The following ZNF263 variants were observed in gnomAD, a reference collection of about 807,000 sequenced individuals.
ZNF263 encodes the protein zinc finger protein FPM315.
In ZNF263, 49 loss-of-function variants were observed where a neutral mutation model predicts 63.1. That is an observed-to-expected ratio of 0.78 (90% CI 0.62 to 0.99). The LOEUF (loss-of-function observed/expected upper bound fraction) is 0.99, where lower values mean the gene tolerates loss of function less well. Ranked by LOEUF, ZNF263 falls within the 50% of genes least tolerant of loss-of-function variation. The pLI is 0.00. For missense variants in ZNF263, 872 were observed against 854.8 expected (o/e 1.02, Z -0.25); for synonymous variants, 352 against 324.2 (o/e 1.09, Z -0.92).
rs1346777701 is a variant in ZNF263, at chr16:3,290,226, C to T, written c.1720C>T (p.Leu574Phe). 26 of 1,614,174 alleles carry T rather than the reference C, an allele frequency of 1.6e-5. No individual in the cohort carries two copies. The highest frequency in any genetic ancestry group is 2.1e-5 in the Non-Finnish European group (25 of 1,180,034). ...NHGAHKAEKK[L>F]FECLTCGKSF... is the part of the protein sequence containing the mutation. ...TGGAGCCCATAAGGCAGAGAAGAAGCTCTTTGAATGTTTGACTTGTGGGAA... is the reference window on the plus strand; with the variant it reads ...TGGAGCCCATAAGGCAGAGAAGAAGTTCTTTGAATGTTTGACTTGTGGGAA... Residue 574 changes from leucine (L) to phenylalanine (F), a missense_variant, in exon 6 of 6, where the codon CTC becomes TTC. By Grantham distance (22) the Leu-to-Phe change is conservative (BLOSUM62 0). Coordinates refer to ENST00000219069, the MANE Select transcript of ZNF263 (RefSeq NM_005741.5).
Position 3,286,028 on chromosome 16 carries a change from T to C in ZNF263, c.648T>C (p.Pro216=), listed in dbSNP as rs764502662. The change falls in exon 4 of 6, where the codon CCT becomes CCC. Residue 216 remains proline, a synonymous_variant. Coordinates refer to ENST00000219069, the MANE Select transcript of ZNF263 (RefSeq NM_005741.5). The part of the protein sequence containing the change: ...EDKEMTGPQL[P]ESLEDVAMYI... ...GAGATCTTGTGCTGTTTCAGTTGCC[T>C]GAGAGCTTAGAGGACGTGGCAATGT... is the stretch of plus-strand genomic sequence containing the variant. 1 of 1,613,812 alleles carries C rather than the reference T, an allele frequency of 6.2e-7. No individual in the cohort carries two copies. Among genetic ancestry groups the C allele is most frequent in the Non-Finnish European group, 8.5e-7 (1 of 1,179,882 alleles).
rs1959609754 is a variant in ZNF263, at chr16:3,291,437, A to C, written c.*879A>C. ...CCCTGTTGAAAATGTTTGGATGGGA[A>C]TAAATATCTTCAGGAAACATAAATG... On this transcript the variant is annotated 3_prime_UTR_variant, in exon 6 of 6. Transcript: ENST00000219069. 8 of 985,454 alleles carry C rather than the reference A, an allele frequency of 8.1e-6. No individual in the cohort carries two copies. Among genetic ancestry groups the C allele is most frequent in the Non-Finnish European group, 9.6e-6 (8 of 829,938 alleles). The allele number at this position is 985,454 out of a possible 1,614,324, so 61.0% of individuals were successfully genotyped here.
At chr16:3,286,312 A>T in intron 4 of ZNF263, 163 bp downstream of exon 4, 1 of 1,071,340 alleles carries the variant, frequency 9.3e-7, no homozygotes, top group Non-Finnish European at 1.3e-6. Context: ...TGTATCTGCC[A>T]AGTGGTACAG....
chr16:3,284,220 G>T lies in ZNF263; in HGVS notation c.387+15G>T, dbSNP rs1229725622. ...TGAGACAACAGGTGAGAGAGAGAGAGAGCTGTTTTATCTGTGGTTTGTTTA... is the reference window on the plus strand; with the variant it reads ...TGAGACAACAGGTGAGAGAGAGAGATAGCTGTTTTATCTGTGGTTTGTTTA... On this transcript the variant is annotated intron_variant, in intron 1 of 5. Coordinates refer to ENST00000219069, the MANE Select transcript of ZNF263 (RefSeq NM_005741.5). 1 of 1,510,742 alleles carries T rather than the reference G, an allele frequency of 6.6e-7. No individual in the cohort carries two copies. The highest frequency in any genetic ancestry group is 2.2e-5 in the Admixed American group (1 of 45,190). The allele number at this position is 1,510,742 out of a possible 1,614,324, so 93.6% of individuals were successfully genotyped here.
rs1959344184 is a variant in ZNF263 at position 3,286,079 on chromosome 16, T to C, written c.699T>C (p.His233=). Residue 233 remains histidine (H), a synonymous_variant, in exon 4 of 6, where the codon CAT becomes CAC. Coordinates refer to ENST00000219069, the MANE Select transcript of ZNF263 (RefSeq NM_005741.5). Reference sequence around the variant, plus strand: ...ACATCTCCCAGGAGGAGTGGGGGCATCAGGATCCTAGTAAGAGGGCCCTCT... The same window carrying C: ...ACATCTCCCAGGAGGAGTGGGGGCACCAGGATCCTAGTAAGAGGGCCCTCT... ...AMYISQEEWG[H]QDPSKRALSR... is the part of the protein sequence containing the mutation. 6.2e-7 allele frequency: 1 copy of C among 1,612,188 alleles called. No homozygotes were observed. The highest frequency in any genetic ancestry group is 8.5e-7 in the Non-Finnish European group (1 of 1,179,426).
At chr16:3,284,929 T>C (rs1959284747) in intron 1 of ZNF263, 130 bp from the exon 2 acceptor site, 1 of 1,188,734 alleles carries the variant, frequency 8.4e-7, no homozygotes, top group Non-Finnish European at 1.2e-6. Flanking sequence ...GTGTAAACCA[T>C]TTTTCTGTTA....
At chr16:3,288,398 C>A in intron 4 of ZNF263, 56 bp from the exon 5 acceptor site, 1 of 1,320,070 alleles carries the variant, frequency 7.6e-7, no homozygotes, top group Non-Finnish European at 1.1e-6. Context: ...GACTGTTTCC[C>A]TACCCTGGTA....
At chr16:3,299,332 C>G (rs757499340) in intron 2 of ZNF263, 2 of 1,593,488 alleles carry the variant, frequency 1.3e-6, no homozygotes, top group Admixed American at 1.8e-5. Flanking sequence ...TTCCAACTCC[C>G]CACATTTTTC....
At position 3,286,141 on chromosome 16, in the gene ZNF263, A is replaced by ACT; in HGVS notation, c.763_764dup (p.Leu256HisfsTer34). On this transcript the variant is annotated frameshift_variant, in exon 4 of 6. Transcript: ENST00000219069. LOFTEE classifies it high-confidence loss of function. The stretch of plus-strand genomic sequence containing the variant: ...GTGCAGGAGAGTTATGAGAATGTGG[A>ACT]CTCACTGGGTAAGGACTTCTTTTCC... The ACT allele has an allele frequency of 6.3e-7, 1 of 1,592,198 alleles. No individual in the cohort carries two copies.
At chr16:3,292,089 C>G (rs1444057593), downstream of ZNF263, among the ~76,000 whole-genome samples, 1 of 152,058 alleles carries the variant, frequency 6.6e-6, no homozygotes, top group South Asian at 2.1e-4. Flanking sequence ...AATAGGAATT[C>G]TAGTAGTGTG....
At chr16:3,287,275 T>C (rs1043460413) in intron 4 of ZNF263, among the ~76,000 whole-genome samples, 8 of 151,720 alleles carry the variant, frequency 5.3e-5, no homozygotes, top group Non-Finnish European at 1.0e-4. Flanking sequence ...CACACCCGGC[T>C]AATTTTTTGT....
At chr16:3,298,284 C>G (rs193134804) in intron 1 of ZNF263, among the ~76,000 whole-genome samples, 4 of 152,270 alleles carry the variant, frequency 2.6e-5, no homozygotes, top group African/African-American at 9.6e-5. Flanking sequence ...AAATCTGTTT[C>G]CTTATGTATT....
intron 2 of ZNF263, chr16:3,299,588 T>C: frequency 6.4e-7 from 1 of 1,550,580 alleles, no homozygotes; most frequent in Non-Finnish European, 8.7e-7. Context: ...TGCTTCCATC[T>C]ATACAGCCGT....
intron 2 of ZNF263, 124 bp downstream of exon 2, chr16:3,285,363 G>A: frequency 8.5e-7 from 1 of 1,173,910 alleles, no homozygotes; most frequent in Non-Finnish European, 1.2e-6. Context: ...CTCACCTGTG[G>A]AATGAAAGAC....
chr16:3,293,221 C>G (rs557682410), downstream of ZNF263: 41 of 152,332 alleles, frequency 2.7e-4, no homozygotes, highest in African/African-American at 9.6e-4. Flanking sequence ...ACTGAATTCT[C>G]CCGAGAGCTG....
At position 3,300,366 on chromosome 16, in the gene ZNF263, C is replaced by T. The variant is rs367689970; in HGVS notation, c.*47-547C>T. On this transcript the variant is annotated intron_variant, in intron 2 of 2. Transcript: ENST00000574674. ...GTTTCTGTTGGTACCACATGTAGAC[C>T]GCATCATCTACATCACCATATTTGG... 26 of 1,614,174 alleles carry T rather than the reference C, an allele frequency of 1.6e-5. No homozygotes were observed. The African/African-American group carries it at 2.1e-4, about 13-fold the overall frequency.
rs936925829 is a variant in ZNF263, at chr16:3,283,725, C to G, written c.-94C>G. 1.0e-4 allele frequency: 147 copies of G among 1,408,416 alleles called. No homozygotes were observed. In the Middle Eastern group the frequency reaches 1.6e-3, roughly 16 times the overall value. The allele number at this position is 1,408,416 out of a possible 1,614,324, so 87.2% of individuals were successfully genotyped here. On this transcript the variant is annotated 5_prime_UTR_variant, in exon 1 of 6. Transcript: ENST00000219069. ...TGGACTGGGAGCCCCCGGCCCCGGG[C>G]TCCTGCTGGCGCCGTCCAACCTTAC...
downstream of ZNF263, among the ~76,000 whole-genome samples, chr16:3,295,615 C>A (rs1959723293): frequency 1.3e-5 from 2 of 152,224 alleles, no homozygotes; most frequent in African/African-American, 4.8e-5. Context: ...GCCCTAGGGG[C>A]TAGGCCTTTC....
rs1191761460 is a variant in ZNF263 at position 3,285,758 on chromosome 16, A to T, written c.642+4A>T. ...CAAGGAGATGACTGGGCCCCAGGTGATGTGGAAGTTTCCATTGTCTCCCCC... is the reference window on the plus strand; with the variant it reads ...CAAGGAGATGACTGGGCCCCAGGTGTTGTGGAAGTTTCCATTGTCTCCCCC... On this transcript the variant is annotated splice_donor_region_variant and intron_variant, in intron 3 of 5. Coordinates refer to ENST00000219069, the MANE Select transcript of ZNF263 (RefSeq NM_005741.5). 1.2e-6 allele frequency: 2 copies of T among 1,613,894 alleles called. No homozygotes were observed. Among genetic ancestry groups the T allele is most frequent in the Non-Finnish European group, 1.7e-6 (2 of 1,179,964 alleles).
Sources: gnomAD v4.1 joint callset for allele counts (sites outside exome capture counted in the v4.1 genomes callset) on GRCh38, gnomAD v4.1.1 for gene constraint, MANE v1.5 for transcripts, NCBI Gene and HGNC (gene_info 2026-07-23, HGNC 2026-07-21) for gene names.